Variants in ZNF568 observed in about 807,000 individuals in gnomAD.
ZNF568 encodes p53 inhibitor of SCO2 activation.
ZNF568 carries 11 observed loss-of-function variants against 18.1 expected under a neutral mutation model. That is an observed-to-expected ratio of 0.61 (90% confidence interval 0.38 to 1.00). The LOEUF (loss-of-function observed/expected upper bound fraction) is 1.00. Among genes scored for constraint, ZNF568 ranks in the 50% least tolerant of loss-of-function variants. The pLI, the probability that ZNF568 is intolerant of heterozygous loss-of-function variation, is 0.01. For missense variants in ZNF568, 639 were observed against 768.2 expected (o/e 0.83, Z 1.99); for synonymous variants, 213 against 246.6 (o/e 0.86, Z 1.28).
Position 36,996,293 on chromosome 19 carries a change from A to G in ZNF568, c.230-24A>G, listed in dbSNP as rs980220405. 3 of 1,491,218 alleles carry G rather than the reference A, an allele frequency of 2.0e-6. No individual in the cohort carries two copies. The South Asian group carries it at 3.9e-5, about 19-fold the overall frequency. The allele number at this position is 1,491,218 out of a possible 1,614,324, so 92.4% of individuals were successfully genotyped here. A position where few individuals can be genotyped will look rare whatever the true frequency, so the allele number is the denominator to read the frequency against. On this transcript the variant is annotated intron_variant, in intron 4 of 4. Coordinates refer to the ZNF568 transcript ENST00000433993. ...GTCCTGCAATGTGAAAATACCTCCT[A>G]TTTTCTTTCTTATTATTTTGCAGAT...
At chr19:36,925,354 A>T (rs1007937726) in intron 4 of ZNF568, 96 bp downstream of exon 4, 2 of 1,141,336 alleles carry the variant, frequency 1.8e-6, no homozygotes, top group African/African-American at 1.6e-5. Context: ...AAATAAATTG[A>T]TGAAAATAAA....
intron 6 of ZNF568, among the ~76,000 whole-genome samples, chr19:36,939,532 C>CTTTTTTT (rs386388962): frequency 0.02 from 1,878 of 93,042 alleles, 62 homozygotes; most frequent in African/African-American, 0.026. Flanking sequence ...TATTTTCTTT[C>CTTTTTTT]TTTTTTTTTT....
intron 2 of ZNF568, among the ~76,000 whole-genome samples, chr19:36,988,807 G>GT (rs930205187): frequency 1.3e-5 from 2 of 152,154 alleles, no homozygotes; most frequent in African/African-American, 2.4e-5. Flanking sequence ...AGTCAGGGTA[G>GT]TTAGTGTATC....
At chr19:36,943,240 C>G (rs2073912518) in intron 6 of ZNF568, among the ~76,000 whole-genome samples, 1 of 152,108 alleles carries the variant, frequency 6.6e-6, no homozygotes, top group African/African-American at 2.4e-5. Flanking sequence ...ATTGTCAGGC[C>G]AAATCCTCCT....
rs201706169 is a variant in ZNF568, at chr19:36,950,413, T to G, written c.1260T>G (p.Cys420Trp). Residue 420 changes from cysteine to tryptophan, a missense_variant, in exon 7 of 7, where the codon TGT (cysteine) becomes TGG (tryptophan). By Grantham distance (215) the Cys-to-Trp change is radical (BLOSUM62 -2). Coordinates refer to ENST00000333987, the MANE Select transcript of ZNF568 (RefSeq NM_198539.4). ...ACACTGGTGAGAAACCCTATGTATG[T>G]AGTGAATGTGGGAAAGCCTTCTCTC... is the stretch of plus-strand genomic sequence containing the variant. The part of the protein sequence containing the change: ...RSHTGEKPYV[C>W]SECGKAFSQS... 3 of 1,613,944 alleles carry G rather than the reference T, an allele frequency of 1.9e-6. No homozygotes were observed. In the African/African-American group the frequency reaches 4.0e-5, roughly 22 times the overall value.
At chr19:36,968,677 G>A (rs756379195) in intron 6 of ZNF568, among the ~76,000 whole-genome samples, 7 of 147,790 alleles carry the variant, frequency 4.7e-5, no homozygotes, top group Non-Finnish European at 9.0e-5. Flanking sequence ...ATGGAGACAT[G>A]TGGCCATTAC....
intron 4 of ZNF568, among the ~76,000 whole-genome samples, chr19:36,928,456 C>A (rs860392): frequency 0.57 from 86,679 of 151,838 alleles, 25,606 homozygotes; most frequent in African/African-American, 0.7. Context: ...TAATAAGCTA[C>A]AAGCTAGTAC....
At chr19:36,974,407 ATCTT>A (rs2074263757) in intron 6 of ZNF568, 4 of 1,535,960 alleles carry the variant, frequency 2.6e-6, no homozygotes, top group Non-Finnish European at 2.6e-6. Context: ...GTTTTTCCAC[ATCTT>A]TCTTTAAGAA....
intron 4 of ZNF568, among the ~76,000 whole-genome samples, chr19:36,934,592 A>G (rs968556842): frequency 6.6e-6 from 1 of 152,068 alleles, no homozygotes; most frequent in Non-Finnish European, 1.5e-5. Flanking sequence ...AGAGTGCCAG[A>G]TTATGGGCAC....
intron 4 of ZNF568, among the ~76,000 whole-genome samples, chr19:36,933,898 G>GTTTTTTTTTTTTTTTTTTTTTTTT (rs200880642): frequency 3.9e-5 from 1 of 25,774 alleles, no homozygotes; most frequent in African/African-American, 2.8e-4. Flanking sequence ...CTTTTGGGTA[G>GTTTTTTTTTTTTTTTTTTTTTTTT]GTTTTTTTTT....
Position 36,951,187 on chromosome 19 carries a change from T to C in ZNF568, c.*99T>C. 1 of 1,184,934 alleles carries C rather than the reference T, an allele frequency of 8.4e-7. No homozygotes were observed. Among genetic ancestry groups the C allele is most frequent in the Admixed American group, 2.9e-5 (1 of 34,480 alleles). The allele number at this position is 1,184,934 out of a possible 1,614,324, so 73.4% of individuals were successfully genotyped here. On this transcript the variant is annotated 3_prime_UTR_variant, in exon 7 of 7. Coordinates refer to ENST00000333987, the MANE Select transcript of ZNF568 (RefSeq NM_198539.4). ...TCTTTATGGAAAAATTTTAATACTT[T>C]GTTAAAAGGTGTAAGACTGGAATAA...
intron 2 of ZNF568, among the ~76,000 whole-genome samples, chr19:36,918,755 A>T (rs1214243537): frequency 6.6e-6 from 1 of 152,184 alleles, no homozygotes; most frequent in Non-Finnish European, 1.5e-5. Context: ...TCTTCTTGCA[A>T]AACAGAAACC....
At chr19:36,989,270 C>T (rs1437798763) in intron 2 of ZNF568, among the ~76,000 whole-genome samples, 1 of 152,156 alleles carries the variant, frequency 6.6e-6, no homozygotes, top group South Asian at 2.1e-4. Context: ...GCAACCTCTG[C>T]CTCCCAGGTT....
chr19:36,934,306 T>A (rs2073750891), intron 4 of ZNF568, among the ~76,000 whole-genome samples: 1 of 83,560 alleles, frequency 1.2e-5, no homozygotes, highest in Admixed American at 1.4e-4. Context: ...TCTAGTATCT[T>A]TTTTTTTTTT....
At chr19:36,992,227 A>G (rs2074431249) in intron 4 of ZNF568, among the ~76,000 whole-genome samples, 1 of 132,436 alleles carries the variant, frequency 7.6e-6, no homozygotes, top group African/African-American at 3.0e-5. Context: ...TGGGCAACAG[A>G]GCAAGACTCC....
At chr19:36,974,283 A>T (rs2074262434) in intron 6 of ZNF568, 6 of 681,326 alleles carry the variant, frequency 8.8e-6, no homozygotes, top group South Asian at 7.8e-5. Context: ...CTTTGTGAGG[A>T]TGACAGAGAG....
At chr19:36,920,257 A>C (rs1247223827) in intron 2 of ZNF568, among the ~76,000 whole-genome samples, 3 of 152,198 alleles carry the variant, frequency 2.0e-5, no homozygotes, top group African/African-American at 7.2e-5. Context: ...GATATAAAGA[A>C]AAAATATTTT....
chr19:36,923,707 A>G (rs2073497752), intron 3 of ZNF568, among the ~76,000 whole-genome samples: 1 of 151,834 alleles, frequency 6.6e-6, no homozygotes, highest in African/African-American at 2.4e-5. Flanking sequence ...GTGAAAGAAA[A>G]CATCAGGTGG....
intron 3 of ZNF568, 33 bp from the exon 4 acceptor site, chr19:36,925,167 T>G (rs1447881195): frequency 6.2e-7 from 1 of 1,609,342 alleles, no homozygotes; most frequent in South Asian, 1.1e-5. Flanking sequence ...TCTGAAACTT[T>G]GAAGCAAATC....
Sources: gnomAD v4.1 joint callset for allele counts (sites outside exome capture counted in the v4.1 genomes callset) on GRCh38, gnomAD v4.1.1 for gene constraint, MANE v1.5 for transcripts, NCBI Gene and HGNC (gene_info 2026-07-23, HGNC 2026-07-21) for gene names.